TTN: variants seen among roughly 807,000 people sequenced by gnomAD.
The protein encoded by TTN is connectin.
In TTN, 1,525 loss-of-function variants were observed where a neutral mutation model predicts 3,223.0. The ratio of observed to expected loss-of-function variants is 0.47; its 90% confidence interval spans 0.45 to 0.49. The LOEUF (loss-of-function observed/expected upper bound fraction) is 0.49, where lower values mean the gene tolerates loss of function less well. Among genes scored for constraint, TTN ranks in the 20% least tolerant of loss-of-function variants. The probability of loss-of-function intolerance (pLI) is 0.00; values close to 1 mark genes in which losing one functional copy is unlikely to be tolerated. For synonymous variants in TTN, 14,094 were observed against 15,161.0 expected, an observed-to-expected ratio of 0.93 and a Z score of 5.17; for missense variants, 40,786 against 43,424.0, an observed-to-expected ratio of 0.94 and a Z score of 5.40.
chr2:178,536,651 A>T (rs1691642712), intron 356 of TTN, 76 bp from the exon 357 acceptor site: 1 of 1,275,940 alleles, frequency 7.8e-7, no homozygotes. Flanking sequence ...TTAAAAAAGA[A>T]TGTTATATGA....
In TTN at chr2:178,526,152, G is replaced by T. The variant is rs1023170886; in HGVS notation, c.*860C>A. The T allele has an allele frequency of 6.6e-6, 1 of 152,592 alleles. No individual in the cohort carries two copies. The highest frequency in any genetic ancestry group is 1.5e-5 in the Non-Finnish European group (1 of 68,022). 9.5% of individuals were successfully genotyped at this position (152,592 alleles called of 1,614,324 possible). On this transcript the variant is annotated 3_prime_UTR_variant, in exon 363 of 363. Transcript: ENST00000589042. ...TAAAATTTAACAACAGCTTTATTTTGTTGTTGTTCTTTACTTTTTGCTGTG... is the reference window on the plus strand; with the variant it reads ...TAAAATTTAACAACAGCTTTATTTTTTTGTTGTTCTTTACTTTTTGCTGTG...
At chr2:178,649,227 T>G (rs2062516613) in intron 213 of TTN, 21 bp downstream of exon 213, 1 of 1,487,626 alleles carries the variant, frequency 6.7e-7, no homozygotes, top group Non-Finnish European at 8.9e-7. Flanking sequence ...GAGAAATCTA[T>G]TTTTTCTTCA....
chr2:178,672,552 A>C, intron 153 of TTN, 71 bp from the exon 154 acceptor site: 2 of 1,601,070 alleles, frequency 1.2e-6, no homozygotes, highest in South Asian at 1.1e-5. Context: ...CATCAAAAAC[A>C]ATCAAGACAC....
chr2:178,709,521 C>T (rs1301285332), intron 99 of TTN, 45 bp downstream of exon 99: 1 of 1,559,756 alleles, frequency 6.4e-7, no homozygotes, highest in Non-Finnish European at 8.7e-7. Context: ...ATATAACAGG[C>T]AGTGAAGAAA....
intron 47 of TTN, chr2:178,748,181 G>A: frequency 6.2e-7 from 1 of 1,613,138 alleles, no homozygotes; most frequent in Non-Finnish European, 8.5e-7. Flanking sequence ...TATATCTGCA[G>A]ATGAGGTTGG....
chr2:178,722,603 T>C, intron 76 of TTN, 56 bp downstream of exon 76: 1 of 1,591,814 alleles, frequency 6.3e-7, no homozygotes, highest in Non-Finnish European at 8.5e-7. Flanking sequence ...AAGTTCACCA[T>C]AAAGATACAA....
chr2:178,647,183 G>T, intron 214 of TTN, 39 bp from the exon 215 acceptor site: 1 of 1,258,406 alleles, frequency 7.9e-7, no homozygotes, highest in Non-Finnish European at 1.1e-6. Flanking sequence ...ACTATATTTA[G>T]AACAGAATAC....
At position 178,715,178 on chromosome 2, in the gene TTN, G is replaced by C. The variant is rs1577904664; in HGVS notation, c.26008C>G (p.Pro8670Ala). The C allele has an allele frequency of 5.0e-6, 8 of 1,613,726 alleles. No homozygotes were observed. The highest frequency in any genetic ancestry group is 6.8e-6 in the Non-Finnish European group (8 of 1,179,708). Reference protein sequence around the residue: ...VHLECELQGTPPFHVSWYKDK... With the variant: ...VHLECELQGTAPFHVSWYKDK... Reference sequence around the variant, plus strand: ...TTATACCAAGAAACGTGAAATGGGGGAGTGCCCTGAAGCTCACATTCAAGG... The same window carrying C: ...TTATACCAAGAAACGTGAAATGGGGCAGTGCCCTGAAGCTCACATTCAAGG... Residue 8670 changes from proline to alanine, a missense_variant, in exon 90 of 363, where the codon CCC becomes GCC. Physicochemically the swap from Pro to Ala is conservative, Grantham distance 27. Coordinates refer to ENST00000589042, the MANE Select transcript of TTN (RefSeq NM_001267550.2).
At chr2:178,611,991 A>G (rs1161093557) in intron 267 of TTN, 37 bp from the exon 268 acceptor site, 2 of 1,604,366 alleles carry the variant, frequency 1.2e-6, no homozygotes, top group African/African-American at 2.7e-5. Context: ...AGCATTAATG[A>G]AAAAACACAG....
chr2:178,712,643 C>G (rs764920027), intron 94 of TTN, 50 bp from the exon 95 acceptor site: 1 of 1,606,282 alleles, frequency 6.2e-7, no homozygotes, highest in Middle Eastern at 1.7e-4. Context: ...TACATACAGA[C>G]AAAGACACAT....
rs903354671 is a variant in TTN, at chr2:178,533,103, T to A, written c.103512A>T (p.Arg34504Ser). The change falls in exon 358 of 363, where the codon AGA becomes AGT. Residue 34504 changes from arginine (R) to serine (S), a missense_variant. Coordinates refer to ENST00000589042, the MANE Select transcript of TTN (RefSeq NM_001267550.2). The part of the protein sequence containing the change: ...PLTQVAKEAL[R>S]EAAVLYKPAV... ...CCGGTTTATAAAGGACAGCAGCTTC[T>A]CTCAGAGCCTCTTTAGCTACCTGTG... The A allele has an allele frequency of 6.2e-7, 1 of 1,614,000 alleles. No homozygotes were observed.
intron 317 of TTN, 22 bp from the exon 318 acceptor site, chr2:178,580,251 A>T (rs1575886911): frequency 6.2e-7 from 1 of 1,608,388 alleles, no homozygotes; most frequent in East Asian, 2.2e-5. Flanking sequence ...GTAGGTAAAT[A>T]AGAAATGAAT....
chr2:178,799,915 G>C lies in TTN; in HGVS notation c.584-5C>G. On this transcript the variant is annotated splice_polypyrimidine_tract_variant and splice_region_variant and intron_variant, in intron 4 of 362. Coordinates refer to ENST00000589042, the MANE Select transcript of TTN (RefSeq NM_001267550.2). ...TAGCAGGTACTTCTTCTTCACCTGTGGGAAGGGAAAGATGAATGTTTGGGA... is the reference window on the plus strand; with the variant it reads ...TAGCAGGTACTTCTTCTTCACCTGTCGGAAGGGAAAGATGAATGTTTGGGA... 6.2e-7 allele frequency: 1 copy of C among 1,613,922 alleles called. No homozygotes were observed. The highest frequency in any genetic ancestry group is 8.5e-7 in the Non-Finnish European group (1 of 1,179,884).
chr2:178,779,312 C>G lies in TTN; in HGVS notation c.3880G>C (p.Asp1294His). The G allele has an allele frequency of 6.2e-7, 1 of 1,613,620 alleles. No individual in the cohort carries two copies. Among genetic ancestry groups the G allele is most frequent in the Non-Finnish European group, 8.5e-7 (1 of 1,179,690 alleles). ...ATTCTATAATTCTTGATTCTTGAAT[C>G]AAATCCTGATTCAACAGCTTCAGAT... ...SESEAVESGF[D>H]SRIKNYRILE... Residue 1294 changes from aspartate to histidine, a missense_variant, in exon 23 of 363, where the codon GAT becomes CAT. Transcript: ENST00000589042.
At chr2:178,689,003 ATTTTTTTTTTT>A (rs35770337) in intron 125 of TTN, 39 bp downstream of exon 125, 86 of 1,006,814 alleles carry the variant, frequency 8.5e-5, no homozygotes, top group African/African-American at 1.7e-4. Flanking sequence ...ACACTCGAAG[ATTTTTTTTTTT>A]TTTTTTTTTT....
At chr2:178,550,364 C>T in intron 336 of TTN, 91 bp from the exon 337 acceptor site, 1 of 1,092,460 alleles carries the variant, frequency 9.2e-7, no homozygotes, top group Non-Finnish European at 1.3e-6. Flanking sequence ...ATCACAAGGC[C>T]AGGAAGAGTA....
In TTN at chr2:178,607,126, C is replaced by A; in HGVS notation, c.53476G>T (p.Gly17826Cys). ...ETERSKCDIT[G>C]LLEGQEYKFR... ...TTATATTCTTGTCCCTCAAGCAGAC[C>A]TGTGATGTCACATTTAGATCTCTCA... Residue 17826 changes from glycine (G) to cysteine (C), a missense_variant, in exon 278 of 363, where the codon GGT (glycine) becomes TGT (cysteine). By Grantham distance (159) the Gly-to-Cys change is radical. Transcript: ENST00000589042. The A allele has an allele frequency of 6.2e-7, 1 of 1,612,908 alleles. No homozygotes were observed. Among genetic ancestry groups the A allele is most frequent in the Admixed American group, 1.7e-5 (1 of 59,968 alleles).
chr2:178,540,435 C>G (rs1299112580), intron 350 of TTN, 65 bp from the exon 351 acceptor site: 2 of 1,321,844 alleles, frequency 1.5e-6, no homozygotes, highest in African/African-American at 3.0e-5. Context: ...GCTGTGCCAC[C>G]TAACAAATTC....
chr2:178,541,288 G>T lies in TTN; in HGVS notation c.97789C>A (p.Pro32597Thr). The T allele has an allele frequency of 6.7e-7, 1 of 1,502,328 alleles. No individual in the cohort carries two copies. 93.1% of individuals were successfully genotyped at this position (1,502,328 alleles called of 1,614,324 possible). ...RPSKPIVAMD[P>T]IAPPGKPQNP... ...TGATACAAAATGTCCTTACCAATTG[G>T]ATCCATGGCAACGATGGGTTTGGAA... Residue 32597 changes from proline to threonine, a missense_variant, in exon 350 of 363, where the codon CCA becomes ACA. Coordinates refer to ENST00000589042, the MANE Select transcript of TTN (RefSeq NM_001267550.2).
Sources: gnomAD v4.1 joint callset for allele counts on GRCh38, gnomAD v4.1.1 for gene constraint, MANE v1.5 for transcripts, NCBI Gene and HGNC (gene_info 2026-07-23, HGNC 2026-07-21) for gene names.